The following FRYL variants were observed in gnomAD, a reference collection of about 807,000 sequenced individuals.
FRYL encodes the protein FRY like transcription coactivator, also known as protein furry homolog-like.
FRYL carries 150 observed loss-of-function variants against 351.2 expected under a neutral mutation model. That is an observed-to-expected ratio of 0.43 (90% CI 0.37 to 0.49). The LOEUF is 0.49. FRYL is among the 20% of genes least tolerant of loss of function. FRYL has a pLI of 0.00. For synonymous variants in FRYL, 1,153 were observed against 1,257.1 expected (o/e 0.92, Z 1.75); for missense variants, 3,036 against 3,619.3 (o/e 0.84, Z 4.13).
chr4:48,673,213 G>A (rs1344146434), intron 3 of FRYL, among the ~76,000 whole-genome samples: 1 of 152,180 alleles, frequency 6.6e-6, no homozygotes, highest in East Asian at 1.9e-4. Context: ...TCTCACCAGA[G>A]TGTTACAAAA....
At position 48,623,618 on chromosome 4, in the gene FRYL, G is replaced by A. The variant is rs151104249; in HGVS notation, c.121-439C>T. On this transcript the variant is annotated intron_variant, in intron 4 of 63. Transcript: ENST00000358350. The stretch of plus-strand genomic sequence containing the variant: ...GCCAGAGGGCCTTGGTGTGACCTCC[G>A]ACCTGACTACCACGAAGTGAATGAC... Among the ~76,000 whole-genome samples, 219 of 152,198 alleles carry A rather than the reference G, an allele frequency of 1.4e-3. 3 individuals carry two copies. The East Asian group carries it at 0.018, about 12-fold the overall frequency.
intron 3 of FRYL, among the ~76,000 whole-genome samples, chr4:48,664,153 T>C (rs1761327517): frequency 6.6e-6 from 1 of 152,230 alleles, no homozygotes; most frequent in Non-Finnish European, 1.5e-5. Context: ...CTCTTCCATT[T>C]ACCTGAAATG....
At chr4:48,606,401 GC>G in intron 10 of FRYL, 36 bp downstream of exon 10, 1 of 1,408,046 alleles carries the variant, frequency 7.1e-7, no homozygotes. Flanking sequence ...GGACTGTTAG[GC>G]TTGCTCTATT....
intron 7 of FRYL, among the ~76,000 whole-genome samples, chr4:48,616,999 A>G (rs1354348847): frequency 1.3e-5 from 2 of 152,166 alleles, no homozygotes; most frequent in Non-Finnish European, 2.9e-5. Flanking sequence ...CTCTAGTTTT[A>G]TTAGAGAAGC....
intron 1 of FRYL, among the ~76,000 whole-genome samples, chr4:48,741,812 A>G (rs1168198534): frequency 6.6e-6 from 1 of 152,220 alleles, no homozygotes; most frequent in Non-Finnish European, 1.5e-5. Flanking sequence ...ACTCTATGAC[A>G]TTCCAGAAAT....
At chr4:48,679,404 G>A (rs1764276067) in intron 3 of FRYL, among the ~76,000 whole-genome samples, 2 of 152,028 alleles carry the variant, frequency 1.3e-5, no homozygotes. Context: ...CGATGGTAGG[G>A]AGAATATAAG....
chr4:48,724,577 CG>C (rs925658702), intron 1 of FRYL, among the ~76,000 whole-genome samples: 1 of 152,086 alleles, frequency 6.6e-6, no homozygotes, highest in Non-Finnish European at 1.5e-5. Context: ...GAGTTGGGTG[CG>C]GGGGGGCTGT....
chr4:48,718,694 A>T, intron 1 of FRYL, among the ~76,000 whole-genome samples: 1 of 151,462 alleles, frequency 6.6e-6, no homozygotes, highest in East Asian at 1.9e-4. Flanking sequence ...CCCAATGTCA[A>T]CCCTTCAAAT....
At chr4:48,566,961 G>A (rs1311744296) in intron 28 of FRYL, among the ~76,000 whole-genome samples, 1 of 152,024 alleles carries the variant, frequency 6.6e-6, no homozygotes. Context: ...TCTGCTTATT[G>A]CATCTAAAAC....
intron 35 of FRYL, among the ~76,000 whole-genome samples, chr4:48,556,439 T>A (rs938009905): frequency 6.6e-6 from 1 of 152,226 alleles, no homozygotes; most frequent in Non-Finnish European, 1.5e-5. Context: ...TCTCTTACCA[T>A]GCTTTCCCTT....
At chr4:48,717,016 G>A (rs763218428) in intron 1 of FRYL, among the ~76,000 whole-genome samples, 5 of 149,432 alleles carry the variant, frequency 3.3e-5, no homozygotes, top group Non-Finnish European at 5.9e-5. Context: ...GTAAACTATC[G>A]CAAGAACAAA....
chr4:48,617,038 A>G (rs986745249), intron 7 of FRYL, among the ~76,000 whole-genome samples: 3 of 152,202 alleles, frequency 2.0e-5, no homozygotes, highest in Admixed American at 6.5e-5. Context: ...ACCAGCGGGA[A>G]TAATCCCTAC....
intron 30 of FRYL, among the ~76,000 whole-genome samples, chr4:48,564,617 T>C (rs9884546): frequency 0.48 from 73,200 of 151,982 alleles, 17,826 homozygotes; most frequent in South Asian, 0.61. Context: ...GCAAATAACA[T>C]ATTTTTCCCA....
chr4:48,601,839 A>G (rs1476490286), intron 13 of FRYL, among the ~76,000 whole-genome samples, 181 bp downstream of exon 13: 1 of 152,202 alleles, frequency 6.6e-6, no homozygotes, highest in Non-Finnish European at 1.5e-5. Flanking sequence ...AAGTTTACTC[A>G]TATCTATACA....
intron 1 of FRYL, among the ~76,000 whole-genome samples, chr4:48,722,526 T>C (rs1769599815): frequency 6.6e-6 from 1 of 152,216 alleles, no homozygotes; most frequent in Non-Finnish European, 1.5e-5. Flanking sequence ...GAAATCAGGA[T>C]TTCTAAGGGC....
At chr4:48,698,579 G>A (rs761910365) in intron 2 of FRYL, among the ~76,000 whole-genome samples, 1 of 152,126 alleles carries the variant, frequency 6.6e-6, no homozygotes, top group South Asian at 2.1e-4. Flanking sequence ...AGTTCCTCTC[G>A]CTCTAGAAAT....
At chr4:48,545,611 C>CTT (rs1028020382) in intron 42 of FRYL, among the ~76,000 whole-genome samples, 2 of 152,174 alleles carry the variant, frequency 1.3e-5, no homozygotes, top group African/African-American at 4.8e-5. Context: ...GAACAACTCT[C>CTT]TTTTCTCTGC....
intron 45 of FRYL, among the ~76,000 whole-genome samples, chr4:48,541,211 A>C (rs1730081899): frequency 6.6e-6 from 1 of 152,200 alleles, no homozygotes. Context: ...AAATTCTGCT[A>C]TAGTAATCGC....
At chr4:48,713,476 C>A (rs1426295964) in intron 1 of FRYL, among the ~76,000 whole-genome samples, 1 of 152,156 alleles carries the variant, frequency 6.6e-6, no homozygotes, top group Non-Finnish European at 1.5e-5. Flanking sequence ...CAATCCTAGT[C>A]TCTGATAATA....
Sources: allele counts gnomAD v4.1 joint callset (sites outside exome capture counted in the v4.1 genomes callset), GRCh38; gene constraint gnomAD v4.1.1; transcripts MANE v1.5; gene names NCBI Gene and HGNC (gene_info 2026-07-23, HGNC 2026-07-21).